TMEM43: variants seen among roughly 807,000 people sequenced by gnomAD.
The protein encoded by TMEM43 is transmembrane protein 43, also known as arrhythmogenic right ventricular dysplasia 5.
In TMEM43, 45 loss-of-function variants were observed where a neutral mutation model predicts 49.6. That is an observed-to-expected ratio of 0.91 (90% CI 0.71 to 1.16). The LOEUF is 1.16. Ranked by LOEUF, TMEM43 falls within the 50% of genes most tolerant of loss-of-function variation. TMEM43 has a pLI of 0.00. For missense variants in TMEM43, 532 were observed against 516.6 expected, an observed-to-expected ratio of 1.03 and a Z score of -0.29; for synonymous variants, 199 against 207.8, an observed-to-expected ratio of 0.96 and a Z score of 0.36.
chr3:14,134,395 GCTTT>G (rs1316345069), intron 7 of TMEM43, among the ~76,000 whole-genome samples: 1 of 152,188 alleles, frequency 6.6e-6, no homozygotes, highest in Admixed American at 6.5e-5. Context: ...TGGCCTGGCC[GCTTT>G]CTGTGTGCTT....
chr3:14,128,345 T>G (rs1400334318), intron 1 of TMEM43, among the ~76,000 whole-genome samples: 1 of 152,130 alleles, frequency 6.6e-6, no homozygotes, highest in Non-Finnish European at 1.5e-5. Flanking sequence ...CCTTTCTTCC[T>G]CCACTGCTCC....
intron 4 of TMEM43, 89 bp from the exon 5 acceptor site, chr3:14,132,457 C>A (rs2124988601): frequency 1.4e-6 from 2 of 1,395,842 alleles, no homozygotes; most frequent in South Asian, 1.2e-5. Flanking sequence ...ATCTGGTAGC[C>A]CTGAGGTTGC....
intron 1 of TMEM43, among the ~76,000 whole-genome samples, chr3:14,128,525 C>A (rs1348087986): frequency 6.6e-6 from 1 of 152,198 alleles, no homozygotes; most frequent in Non-Finnish European, 1.5e-5. Context: ...ACTCCTTGAG[C>A]ACCAAGTCCA....
chr3:14,135,992 C>A, intron 10 of TMEM43, 84 bp downstream of exon 10: 2 of 1,174,956 alleles, frequency 1.7e-6, no homozygotes, highest in Non-Finnish European at 2.6e-6. Context: ...GATCACACTA[C>A]CAGGGGTCAT....
At chr3:14,136,131 T>C (rs1574939869) in intron 10 of TMEM43, 1 of 635,226 alleles carries the variant, frequency 1.6e-6, no homozygotes, top group Admixed American at 2.1e-5. Context: ...CATAATGAGA[T>C]CTCTTGGGGA....
intron 1 of TMEM43, among the ~76,000 whole-genome samples, chr3:14,126,184 G>A (rs1695018841): frequency 6.6e-6 from 1 of 152,130 alleles, no homozygotes; most frequent in African/African-American, 2.4e-5. Flanking sequence ...ACTTTGTCTC[G>A]GGTTAGTATC....
intron 2 of TMEM43, 66 bp downstream of exon 2, chr3:14,129,627 G>T: frequency 6.3e-7 from 1 of 1,578,416 alleles, no homozygotes; most frequent in South Asian, 1.1e-5. Context: ...CAAAGGCGAT[G>T]AACCCGGAGG....
chr3:14,143,163 C>T lies in TMEM43; in HGVS notation c.*1368C>T, dbSNP rs780193027. The T allele has an allele frequency of 2.0e-5, 3 of 152,218 alleles. No individual in the cohort carries two copies. The highest frequency in any genetic ancestry group is 4.8e-5 in the African/African-American group (2 of 41,432). 9.4% of individuals were successfully genotyped at this position (152,218 alleles called of 1,614,324 possible). A position where few individuals can be genotyped will look rare whatever the true frequency, so the allele number is the denominator to read the frequency against. ...CTTTTAAAGATAAAGTATGTTGTAA[C>T]CAGGATGTCTTAAATGATTCTTTGT... On this transcript the variant is annotated 3_prime_UTR_variant, in exon 12 of 12. Transcript: ENST00000306077.
Position 14,135,823 on chromosome 3 carries a change from G to A in TMEM43, c.797G>A (p.Arg266Gln), listed in dbSNP as rs193922707. 2.0e-5 allele frequency: 33 copies of A among 1,613,362 alleles called. No individual in the cohort carries two copies. Among genetic ancestry groups the A allele is most frequent in the African/African-American group, 1.1e-4 (8 of 74,916 alleles). Residue 266 changes from arginine to glutamine, a missense_variant, in exon 10 of 12, where the codon CGG (arginine) becomes CAG (glutamine). Physicochemically the swap from Arg to Gln is conservative, Grantham distance 43 (BLOSUM62 1). Coordinates refer to ENST00000306077, the MANE Select transcript of TMEM43 (RefSeq NM_024334.3). ...TCTGACCAGGTCACTGTGATTGCCCGGCAGCGGGGTGACCAGCTAGTCCCA... is the reference window on the plus strand; with the variant it reads ...TCTGACCAGGTCACTGTGATTGCCCAGCAGCGGGGTGACCAGCTAGTCCCA... ...GPAHVVTVIA[R>Q]QRGDQLVPFS... is the part of the protein sequence containing the mutation.
intron 10 of TMEM43, 90 bp downstream of exon 10, chr3:14,135,998 G>A (rs543703080): frequency 9.2e-7 from 1 of 1,092,546 alleles, no homozygotes; most frequent in South Asian, 1.2e-5. Context: ...ACTACCAGGG[G>A]TCATAGCCAG....
rs893213304 is a variant in TMEM43, at chr3:14,133,725, C to T, written c.513-14C>T. Reference sequence around the variant, plus strand: ...CACCGGTGCCCATCTCTGACAGCTTCCTCTCTCCCACAGTGCCATGGCAGT... The same window carrying T: ...CACCGGTGCCCATCTCTGACAGCTTTCTCTCTCCCACAGTGCCATGGCAGT... On this transcript the variant is annotated splice_polypyrimidine_tract_variant and intron_variant, in intron 6 of 11. Transcript: ENST00000306077. 1.2e-6 allele frequency: 2 copies of T among 1,614,034 alleles called. No homozygotes were observed. The highest frequency in any genetic ancestry group is 1.7e-4 in the Middle Eastern group (1 of 6,060).
At chr3:14,128,244 A>AG (rs1476663266) in intron 1 of TMEM43, among the ~76,000 whole-genome samples, 1 of 152,048 alleles carries the variant, frequency 6.6e-6, no homozygotes, top group East Asian at 1.9e-4. Context: ...TGCACCCCAA[A>AG]TCATGCCTCT....
intron 9 of TMEM43, among the ~76,000 whole-genome samples, chr3:14,135,560 A>G (rs978465275): frequency 5.3e-5 from 8 of 152,210 alleles, no homozygotes; most frequent in Non-Finnish European, 1.2e-4. Context: ...GCCTATGTGC[A>G]GTCCTGCCCC....
At chr3:14,129,646 G>A in intron 2 of TMEM43, 85 bp downstream of exon 2, 1 of 1,437,892 alleles carries the variant, frequency 7.0e-7, no homozygotes, top group Non-Finnish European at 9.7e-7. Flanking sequence ...GGCTGGATTT[G>A]GTAATCAAGG....
chr3:14,132,771 C>A, intron 5 of TMEM43, 95 bp from the exon 6 acceptor site: 1 of 1,423,844 alleles, frequency 7.0e-7, no homozygotes, highest in Non-Finnish European at 9.9e-7. Context: ...CCCTGACCCA[C>A]CCCTTTGGCT....
intron 11 of TMEM43, among the ~76,000 whole-genome samples, chr3:14,139,821 A>G (rs1695224257): frequency 6.6e-6 from 1 of 152,222 alleles, no homozygotes; most frequent in Admixed American, 6.5e-5. Flanking sequence ...AGTCTGGAGC[A>G]TGAAGGAGAG....
chr3:14,125,896 A>G (rs1224377250), intron 1 of TMEM43, among the ~76,000 whole-genome samples: 3 of 152,164 alleles, frequency 2.0e-5, no homozygotes, highest in Non-Finnish European at 4.4e-5. Context: ...ATTTAAGCCC[A>G]ACATTCATTC....
Position 14,135,787 on chromosome 3 carries a change from A to G in TMEM43, c.781-20A>G. The G allele has an allele frequency of 6.2e-7, 1 of 1,607,302 alleles. No individual in the cohort carries two copies. The highest frequency in any genetic ancestry group is 1.1e-5 in the South Asian group (1 of 90,922). On this transcript the variant is annotated intron_variant, in intron 9 of 11. Transcript: ENST00000306077. ...TCCCGCTGGTCACCCCTCAGCTCTA[A>G]CACCAGGTCCTCTGACCAGGTCACT...
intron 8 of TMEM43, 38 bp from the exon 9 acceptor site, chr3:14,135,120 T>G: frequency 6.3e-7 from 1 of 1,594,294 alleles, no homozygotes; most frequent in South Asian, 1.1e-5. Flanking sequence ...GGCCAGCTAC[T>G]CCGTTCCTCA....
Sources: allele counts gnomAD v4.1 joint callset (sites outside exome capture counted in the v4.1 genomes callset), GRCh38; gene constraint gnomAD v4.1.1; transcripts MANE v1.5; gene names NCBI Gene and HGNC (gene_info 2026-07-23, HGNC 2026-07-21).